The following LAMB3 variants were observed in gnomAD, a reference collection of about 807,000 sequenced individuals.
The protein encoded by LAMB3 is laminin subunit beta-3.
LAMB3 carries 104 observed loss-of-function variants against 140.3 expected under a neutral mutation model. That is an observed-to-expected ratio of 0.74 (90% CI 0.63 to 0.87). The LOEUF (loss-of-function observed/expected upper bound fraction) is 0.87. Among genes scored for constraint, LAMB3 ranks in the 40% least tolerant of loss-of-function variants. The pLI is 0.00. For synonymous variants in LAMB3, 592 were observed against 602.9 expected (o/e 0.98, Z 0.26); for missense variants, 1,531 against 1,575.2 (o/e 0.97, Z 0.47).
intron 3 of LAMB3, among the ~76,000 whole-genome samples, chr1:209,645,722 G>GAAAAAAAAAAA (rs36106096): frequency 7.3e-6 from 1 of 137,408 alleles, no homozygotes; most frequent in Non-Finnish European, 1.6e-5. Flanking sequence ...TGTCCCAGGG[G>GAAAAAAAAAAA]AAAAAAAAAA....
intron 3 of LAMB3, among the ~76,000 whole-genome samples, chr1:209,649,746 G>A (rs1447050226): frequency 2.0e-5 from 3 of 152,230 alleles, no homozygotes; most frequent in Non-Finnish European, 4.4e-5. Flanking sequence ...AGAGAAATGA[G>A]CTATTTAGTT....
At position 209,623,355 on chromosome 1, in the gene LAMB3, TC is replaced by T. The variant is rs1666280698; in HGVS notation, c.2358+149del. 6 of 1,010,914 alleles carry T rather than the reference TC, an allele frequency of 5.9e-6. No individual in the cohort carries two copies. The South Asian group carries it at 8.1e-5, about 14-fold the overall frequency. 62.6% of individuals were successfully genotyped at this position (1,010,914 alleles called of 1,614,324 possible). On this transcript the variant is annotated intron_variant, in intron 16 of 22. Transcript: ENST00000356082. This position sits in a 1 kb window ranked among gnomAD's most constrained non-coding sequence, Gnocchi z 4.2. ...CTGGTTTCCTTGGCAACCACTGAGC[TC>T]ACAGTGAGCAGTACAAGGGTCGGGA... is the stretch of plus-strand genomic sequence containing the variant.
chr1:209,617,668 C>T lies in LAMB3; in HGVS notation c.3052-82G>A, dbSNP rs565772602. 53 of 1,527,766 alleles carry T rather than the reference C, an allele frequency of 3.5e-5. 2 individuals are homozygous for T. In the South Asian group the frequency reaches 6.0e-4, roughly 17 times the overall value. The allele number at this position is 1,527,766 out of a possible 1,614,324, so 94.6% of individuals were successfully genotyped here. On this transcript the variant is annotated intron_variant, in intron 20 of 22. Coordinates refer to ENST00000356082, the MANE Select transcript of LAMB3 (RefSeq NM_000228.3). ...CATCCCCATTTTTTCTCCAACTCATCAGGCAGCAAAAACCCTCTCCAACCA... is the reference window on the plus strand; with the variant it reads ...CATCCCCATTTTTTCTCCAACTCATTAGGCAGCAAAAACCCTCTCCAACCA...
chr1:209,643,855 C>T (rs2076492651), intron 3 of LAMB3, among the ~76,000 whole-genome samples: 2 of 152,096 alleles, frequency 1.3e-5, no homozygotes, highest in African/African-American at 4.8e-5. Flanking sequence ...ACATTTCCTC[C>T]ACTTCCACAT....
Position 209,623,261 on chromosome 1 carries a change from C to A in LAMB3, c.2359-82G>T. ...CACCCCACACCTGGGAAACCAACAG[C>A]CAGACATCTCCATGACAACCAAGCA... On this transcript the variant is annotated intron_variant, in intron 16 of 22. Coordinates refer to ENST00000356082, the MANE Select transcript of LAMB3 (RefSeq NM_000228.3). This position sits in a 1 kb window ranked among gnomAD's most constrained non-coding sequence, Gnocchi z 4.2. 1 of 1,351,038 alleles carries A rather than the reference C, an allele frequency of 7.4e-7. No individual in the cohort carries two copies. The highest frequency in any genetic ancestry group is 2.4e-5 in the East Asian group (1 of 41,372). 83.7% of individuals were successfully genotyped at this position (1,351,038 alleles called of 1,614,324 possible).
chr1:209,632,535 G>T (rs1666726111), intron 8 of LAMB3, 48 bp downstream of exon 8: 1 of 1,494,314 alleles, frequency 6.7e-7, no homozygotes, highest in Non-Finnish European at 9.3e-7. Context: ...TCTGTAGTCT[G>T]CCCTGGTCCT....
At chr1:209,620,987 C>A (rs1438312867) in intron 18 of LAMB3, among the ~76,000 whole-genome samples, 1 of 152,194 alleles carries the variant, frequency 6.6e-6, no homozygotes, top group Non-Finnish European at 1.5e-5. Flanking sequence ...TCCTGGGTTT[C>A]CCCCTGGGGC....
At chr1:209,625,060 C>A (rs1571809339) in intron 14 of LAMB3, among the ~76,000 whole-genome samples, 1 of 152,196 alleles carries the variant, frequency 6.6e-6, no homozygotes, top group South Asian at 2.1e-4. Context: ...TCTAGCACAT[C>A]GTGAGTCACG....
Position 209,628,023 on chromosome 1 carries a change from C to G in LAMB3, c.1288+12G>C. ...CCACCCCACGTCATGCTGGGCCAAG[C>G]CCCCTACTCACGGTGGCAGCCCTGC... On this transcript the variant is annotated intron_variant, in intron 11 of 22. Transcript: ENST00000356082. The G allele has an allele frequency of 6.3e-7, 1 of 1,595,688 alleles. No homozygotes were observed. Among genetic ancestry groups the G allele is most frequent in the Non-Finnish European group, 8.5e-7 (1 of 1,170,534 alleles).
chr1:209,650,834 A>C, intron 2 of LAMB3, 83 bp downstream of exon 2: 1 of 1,345,710 alleles, frequency 7.4e-7, no homozygotes, highest in South Asian at 1.2e-5. Flanking sequence ...TGATGCCCAC[A>C]CTTTGGTAAA....
chr1:209,622,399 G>A (rs191992040), intron 18 of LAMB3, 137 bp downstream of exon 18: 14 of 1,016,772 alleles, frequency 1.4e-5, no homozygotes, highest in African/African-American at 1.3e-4. Context: ...TCATGGCCAT[G>A]GTGCCAAGGA....
Position 209,628,025 on chromosome 1 carries a change from C to T in LAMB3, c.1288+10G>A, listed in dbSNP as rs1350715913. On this transcript the variant is annotated intron_variant, in intron 11 of 22. Coordinates refer to ENST00000356082, the MANE Select transcript of LAMB3 (RefSeq NM_000228.3). ...ACCCCACGTCATGCTGGGCCAAGCC[C>T]CCTACTCACGGTGGCAGCCCTGCGG... 6 of 1,597,106 alleles carry T rather than the reference C, an allele frequency of 3.8e-6. No homozygotes were observed. Among genetic ancestry groups the T allele is most frequent in the Non-Finnish European group, 4.3e-6 (5 of 1,171,348 alleles).
chr1:209,638,539 T>C lies in LAMB3; in HGVS notation c.293A>G (p.Gln98Arg), dbSNP rs1459928585. Residue 98 changes from glutamine (Q) to arginine (R), a missense_variant, in exon 4 of 23, where the codon CAG becomes CGG. Physicochemically the swap from Gln to Arg is conservative, Grantham distance 43. Coordinates refer to ENST00000356082, the MANE Select transcript of LAMB3 (RefSeq NM_000228.3). ...SSGPMRWWQS[Q>R]NDVNPVSLQL... ...CGTAGATGGCAAATGCTCACCATTC[T>C]GTGACTGCCACCAGCGCATGGGGCC... 6.2e-6 allele frequency: 10 copies of C among 1,603,052 alleles called. No individual in the cohort carries two copies. Among genetic ancestry groups the C allele is most frequent in the Non-Finnish European group, 8.5e-6 (10 of 1,169,700 alleles).
chr1:209,620,782 A>G (rs1265023423), intron 18 of LAMB3, among the ~76,000 whole-genome samples: 1 of 152,228 alleles, frequency 6.6e-6, no homozygotes, highest in Non-Finnish European at 1.5e-5. Flanking sequence ...CTCAGTTAGA[A>G]CTTAATAAGC....
At chr1:209,643,480 T>C (rs2076489106) in intron 3 of LAMB3, among the ~76,000 whole-genome samples, 1 of 152,250 alleles carries the variant, frequency 6.6e-6, no homozygotes, top group Non-Finnish European at 1.5e-5. Context: ...CTGGAAAGGC[T>C]AGGCCTTCTC....
intron 18 of LAMB3, among the ~76,000 whole-genome samples, chr1:209,619,621 A>G (rs1666116254): frequency 6.6e-6 from 1 of 152,250 alleles, no homozygotes; most frequent in Non-Finnish European, 1.5e-5. Flanking sequence ...GGGTAAGGTC[A>G]GAAGTACAGA....
At chr1:209,630,451 C>T (rs988219865) in intron 9 of LAMB3, 164 bp downstream of exon 9, 1 of 816,992 alleles carries the variant, frequency 1.2e-6, no homozygotes, top group Non-Finnish European at 2.0e-6. Flanking sequence ...ATACTCTCTC[C>T]ATCCTCACAG....
intron 7 of LAMB3, 96 bp from the exon 8 acceptor site, chr1:209,632,872 G>T: frequency 7.9e-7 from 1 of 1,269,796 alleles, no homozygotes; most frequent in Non-Finnish European, 1.1e-6. Flanking sequence ...ATGTGATACC[G>T]TGGGCCATCC....
intron 13 of LAMB3, among the ~76,000 whole-genome samples, chr1:209,626,277 G>T (rs1160003195): frequency 1.3e-5 from 2 of 152,190 alleles, no homozygotes; most frequent in East Asian, 1.9e-4. Context: ...ACACCACTCT[G>T]GGAATTAGCA....
Sources: gnomAD v4.1 joint callset for allele counts (sites outside exome capture counted in the v4.1 genomes callset) on GRCh38, gnomAD v4.1.1 for gene constraint, Gnocchi (gnomAD v3.1) non-coding constraint, MANE v1.5 for transcripts, NCBI Gene and HGNC (gene_info 2026-07-23, HGNC 2026-07-21) for gene names.